SESTD1: variants seen among roughly 807,000 people sequenced by gnomAD.
The protein encoded by SESTD1 is SEC14 and spectrin domain containing 1.
In SESTD1, 43 loss-of-function variants were observed where a neutral mutation model predicts 101.7. The observed-to-expected ratio is 0.42, with a 90% CI of 0.33 to 0.55. The LOEUF (loss-of-function observed/expected upper bound fraction) is 0.55, where lower values mean the gene tolerates loss of function less well. SESTD1 is among the 20% of genes least tolerant of loss of function. The pLI, the probability that SESTD1 is intolerant of heterozygous loss-of-function variation, is 0.07. For synonymous variants in SESTD1, 283 were observed against 286.8 expected (o/e 0.99, Z 0.13); for missense variants, 647 against 815.1 (o/e 0.79, Z 2.51).
rs1016012460 is a variant in SESTD1 at position 179,264,535 on chromosome 2, G to T, written c.-62C>A. 6.6e-6 allele frequency: 1 copy of T among 151,088 alleles called. No individual in the cohort carries two copies. Among genetic ancestry groups the T allele is most frequent in the African/African-American group, 2.4e-5 (1 of 41,172 alleles). The allele number at this position is 151,088 out of a possible 1,614,324, so 9.4% of individuals were successfully genotyped here. ...TGACGCTAGCGGCCGGCGGCTCCGG[G>T]GCGTTGGGGAAGACAGGGGAACGCT... On this transcript the variant is annotated 5_prime_UTR_variant, in exon 1 of 18. Transcript: ENST00000428443.
At chr2:179,149,217 T>G (rs2045464486) in intron 7 of SESTD1, 80 bp downstream of exon 7, 1 of 956,070 alleles carries the variant, frequency 1.0e-6, no homozygotes. Context: ...TTCTTTTAGC[T>G]TGCATTAACA....
chr2:179,165,224 A>G (rs183450291), intron 5 of SESTD1, among the ~76,000 whole-genome samples: 9 of 152,342 alleles, frequency 5.9e-5, no homozygotes, highest in African/African-American at 1.2e-4. Flanking sequence ...AATCTCTTCA[A>G]TGTCTAAGAA....
intron 5 of SESTD1, among the ~76,000 whole-genome samples, chr2:179,155,441 T>A (rs2045609780): frequency 6.6e-6 from 1 of 151,926 alleles, no homozygotes; most frequent in Non-Finnish European, 1.5e-5. Flanking sequence ...AAAGATAAAA[T>A]CCCAGAGCAC....
chr2:179,150,935 C>T (rs1371285902), intron 6 of SESTD1, among the ~76,000 whole-genome samples: 1 of 152,178 alleles, frequency 6.6e-6, no homozygotes, highest in East Asian at 1.9e-4. Context: ...GCCACTATAT[C>T]ATGTCTGGTG....
chr2:179,190,319 A>T (rs2046301753), intron 2 of SESTD1, among the ~76,000 whole-genome samples: 1 of 152,112 alleles, frequency 6.6e-6, no homozygotes, highest in Non-Finnish European at 1.5e-5. Flanking sequence ...AAATGATGCT[A>T]GGATAACTTG....
At position 179,105,694 on chromosome 2, in the gene SESTD1, A is replaced by C. The variant is rs1466873038; in HGVS notation, c.*4205T>G. The C allele has an allele frequency of 2.0e-5, 3 of 152,158 alleles. No individual in the cohort carries two copies. The highest frequency in any genetic ancestry group is 4.4e-5 in the Non-Finnish European group (3 of 68,010). The allele number at this position is 152,158 out of a possible 1,614,324, so 9.4% of individuals were successfully genotyped here. ...CCTTCCATTCTGTTTATTTCTGGAT[A>C]TTTTGGCTTCAACAATTCTTTATAT... On this transcript the variant is annotated 3_prime_UTR_variant, in exon 18 of 18. Transcript: ENST00000428443.
At chr2:179,179,118 T>C (rs1049783456) in intron 3 of SESTD1, among the ~76,000 whole-genome samples, 13 of 152,180 alleles carry the variant, frequency 8.5e-5, no homozygotes, top group African/African-American at 2.4e-4. Flanking sequence ...TGAAAGGAAA[T>C]AGTTTTGTTT....
intron 1 of SESTD1, among the ~76,000 whole-genome samples, chr2:179,243,482 CAA>C (rs1380560967): frequency 6.6e-6 from 1 of 152,050 alleles, no homozygotes; most frequent in East Asian, 1.9e-4. Context: ...ACACTATTCA[CAA>C]TAGCAAAGAC....
chr2:179,182,116 G>A (rs372492783), intron 3 of SESTD1, among the ~76,000 whole-genome samples: 3 of 151,896 alleles, frequency 2.0e-5, no homozygotes, highest in African/African-American at 7.3e-5. Context: ...AAAAGCTATT[G>A]TGTCAATAAA....
At chr2:179,123,669 A>T (rs2044802785) in intron 12 of SESTD1, 46 bp downstream of exon 12, 2 of 1,147,942 alleles carry the variant, frequency 1.7e-6, no homozygotes, top group Admixed American at 3.2e-5. Flanking sequence ...AATGATATTT[A>T]AAAAAAAAAA....
At chr2:179,168,341 C>T (rs879748339) in intron 5 of SESTD1, among the ~76,000 whole-genome samples, 1 of 152,076 alleles carries the variant, frequency 6.6e-6, no homozygotes, top group Non-Finnish European at 1.5e-5. Flanking sequence ...AATACATATA[C>T]AAAATTTGTG....
At chr2:179,134,754 A>G (rs2045099736) in intron 9 of SESTD1, among the ~76,000 whole-genome samples, 1 of 152,202 alleles carries the variant, frequency 6.6e-6, no homozygotes. Context: ...TCTTGTTTCT[A>G]TCTGAAATAC....
At chr2:179,157,110 A>G (rs993728976) in intron 5 of SESTD1, among the ~76,000 whole-genome samples, 32 of 151,788 alleles carry the variant, frequency 2.1e-4, no homozygotes, top group African/African-American at 7.5e-4. Context: ...TTTGTTTGCT[A>G]CCCCTTTTAC....
Position 179,213,764 on chromosome 2 carries a change from C to T in SESTD1, c.-25-21898G>A, listed in dbSNP as rs952435773. ...AACCATAGAGAAAGGTTGGGTTACCCACAAAGGATGGAATCTCCTGGCAGA... is the reference window on the plus strand; with the variant it reads ...AACCATAGAGAAAGGTTGGGTTACCTACAAAGGATGGAATCTCCTGGCAGA... On this transcript the variant is annotated intron_variant, in intron 1 of 17. Coordinates refer to ENST00000428443, the MANE Select transcript of SESTD1 (RefSeq NM_178123.5). Among the ~76,000 whole-genome samples the T allele has an allele frequency of 2.2e-5, 3 of 134,246 alleles. 1 individual carries two copies. Among genetic ancestry groups the T allele is most frequent in the African/African-American group, 8.8e-5 (3 of 34,164 alleles). 88.1% of individuals were successfully genotyped at this position (134,246 alleles called of 152,430 possible). A position where few individuals can be genotyped will look rare whatever the true frequency, so the allele number is the denominator to read the frequency against.
At position 179,115,091 on chromosome 2, in the gene SESTD1, T is replaced by C. The variant is rs1575420102; in HGVS notation, c.1813A>G (p.Ile605Val). Residue 605 changes from isoleucine to valine, a missense_variant, in exon 16 of 18, where the codon ATT (isoleucine) becomes GTT (valine). Ile to Val is a conservative substitution (Grantham distance 29). Around this residue, in one of 3 missense-constraint regions of SESTD1, gnomAD observed 476 missense variants for 562.6 expected, o/e 0.85. Transcript: ENST00000428443. ...TTTTCAGCATTTGAGTGAAATGCAATAGCCATTTCCAATCTATGTACTCTC... is the reference window on the plus strand; with the variant it reads ...TTTTCAGCATTTGAGTGAAATGCAACAGCCATTTCCAATCTATGTACTCTC... Reference protein sequence around the residue: ...EERVHRLEMAIAFHSNAEKIL... With the variant: ...EERVHRLEMAVAFHSNAEKIL... 1 of 1,610,780 alleles carries C rather than the reference T, an allele frequency of 6.2e-7. No individual in the cohort carries two copies. The highest frequency in any genetic ancestry group is 8.5e-7 in the Non-Finnish European group (1 of 1,179,298).
At position 179,123,782 on chromosome 2, in the gene SESTD1, T is replaced by C. The variant is rs1199603019; in HGVS notation, c.1215A>G (p.Val405=). The change falls in exon 12 of 18, where the codon GTA becomes GTG. Residue 405 remains valine (V), a synonymous_variant. Transcript: ENST00000428443. ...DGLLGMLCVD[V]APADGASIQQ... is the part of the protein sequence containing the mutation. ...GAATCGATGCTCCATCAGCTGGTGC[T>C]ACATCTACGCACAACATCCCTAATA... is the stretch of plus-strand genomic sequence containing the variant. The C allele has an allele frequency of 1.5e-5, 25 of 1,613,944 alleles. No homozygotes were observed. The highest frequency in any genetic ancestry group is 3.3e-5 in the Admixed American group (2 of 60,004).
intron 1 of SESTD1, among the ~76,000 whole-genome samples, chr2:179,243,690 A>C (rs916781370): frequency 6.6e-6 from 1 of 150,708 alleles, no homozygotes; most frequent in African/African-American, 2.4e-5. Context: ...TCTCACTTGT[A>C]AGTGGGAGCT....
At chr2:179,237,648 AT>A (rs1238467972) in intron 1 of SESTD1, among the ~76,000 whole-genome samples, 1 of 152,102 alleles carries the variant, frequency 6.6e-6, no homozygotes. Flanking sequence ...AAGGAAAGTG[AT>A]TTTTTTCCAT....
At chr2:179,189,830 T>C (rs1334550610) in intron 2 of SESTD1, among the ~76,000 whole-genome samples, 1 of 151,804 alleles carries the variant, frequency 6.6e-6, no homozygotes, top group African/African-American at 2.4e-5. Context: ...ATAATGGCCA[T>C]AAAAAATACC....
Sources: allele counts gnomAD v4.1 joint callset (sites outside exome capture counted in the v4.1 genomes callset), GRCh38; gene constraint gnomAD v4.1.1; regional missense constraint gnomAD v4.1.1; transcripts MANE v1.5; gene names NCBI Gene and HGNC (gene_info 2026-07-23, HGNC 2026-07-21).